Variants in TMEM31 observed in about 807,000 individuals in gnomAD.
The protein encoded by TMEM31 is testicular secretory protein Li 58.
Under a neutral mutation model 2.4 loss-of-function variants are expected in TMEM31, and 1 was observed. That is an observed-to-expected ratio of 0.42 (90% CI 0.15 to 1.97). The LOEUF is 1.97. Among genes scored for constraint, TMEM31 ranks in the 30% most tolerant of loss-of-function variants. The pLI is 0.30. For missense variants in TMEM31, 119 were observed against 121.3 expected, an observed-to-expected ratio of 0.98 and a Z score of 0.09; for synonymous variants, 47 against 45.8, an observed-to-expected ratio of 1.03 and a Z score of -0.10.
chrX:103,712,194 C>T, intron 1 of TMEM31, 42 bp from the exon 2 acceptor site: 12 of 1,058,886 alleles, frequency 1.1e-5, no homozygotes, highest in Middle Eastern at 2.7e-4. Flanking sequence ...GGTAAACTGC[C>T]TCTGTTGTCA....
chrX:103,713,086 T>C (rs889102552), intron 2 of TMEM31, among the ~76,000 whole-genome samples: 1 of 110,586 alleles, frequency 9.0e-6, no homozygotes, highest in Non-Finnish European at 1.9e-5. Context: ...TTTCTTTCTT[T>C]CTTTCTTTCT....
intron 2 of TMEM31, chrX:103,713,374 G>T: frequency 1.5e-6 from 1 of 655,989 alleles, no homozygotes; most frequent in Non-Finnish European, 2.3e-6. Flanking sequence ...ACAGGCGTGA[G>T]CCACTGCGCC....
intron 2 of TMEM31, 24 bp from the exon 3 acceptor site, chrX:103,713,570 G>C: frequency 1.7e-6 from 2 of 1,211,819 alleles, no homozygotes; most frequent in Non-Finnish European, 2.2e-6. Context: ...TCTTTATGCT[G>C]ACGAGAAACA....
rs1179026015 is a variant in TMEM31, at chrX:103,712,283, G to A, written c.25G>A (p.Gly9Arg). MRLTEKSE[G>R]EQQLKPNNSN... ...AATGAGGTTAACAGAAAAGAGTGAG[G>A]GAGAACAACAACTCAAGCCCAACAA... Residue 9 changes from glycine to arginine, a missense_variant, in exon 2 of 3, where the codon GGA becomes AGA. Coordinates refer to ENST00000319560, the MANE Select transcript of TMEM31 (RefSeq NM_182541.2). 4 of 1,207,567 alleles carry A rather than the reference G, an allele frequency of 3.3e-6. No homozygotes were observed. In the African/African-American group the frequency reaches 5.3e-5, roughly 16 times the overall value.
Position 103,712,288 on chromosome X carries a change from ACAACAACTCAAGCC to A in TMEM31, c.40_53del (p.Lys14Ter), listed in dbSNP as rs769663587. 8.3e-7 allele frequency: 1 copy of A among 1,210,888 alleles called. No individual in the cohort carries two copies. The highest frequency in any genetic ancestry group is 2.2e-5 in the Admixed American group (1 of 45,950). ...GGTTAACAGAAAAGAGTGAGGGAGA[ACAACAACTCAAGCC>A]CAACAACTCTAATGCACCCAATGAA... On this transcript the variant is annotated frameshift_variant, in exon 2 of 3. Transcript: ENST00000319560. LOFTEE classifies it high-confidence loss of function.
Position 103,713,989 on chromosome X carries a change from C to T in TMEM31, c.498C>T (p.Ile166=), listed in dbSNP as rs770206415. 2 of 1,185,287 alleles carry T rather than the reference C, an allele frequency of 1.7e-6. No homozygotes were observed. The highest frequency in any genetic ancestry group is 6.1e-5 in the East Asian group (2 of 32,952). Residue 166 remains isoleucine (I), a synonymous_variant, in exon 3 of 3, where the codon ATC becomes ATT. Transcript: ENST00000319560. ...LLLFIIVFIL[I]FF ...TTTTTATTATTGTCTTCATTCTGAT[C>T]TTCTTCTGATTCTTTTGTTTCAATA...
In TMEM31 at chrX:103,711,053, G is replaced by T. The variant is rs1030631654; in HGVS notation, c.-47G>T. 1 of 110,429 alleles carries T rather than the reference G, an allele frequency of 9.1e-6. No individual in the cohort carries two copies. Among genetic ancestry groups the T allele is most frequent in the Non-Finnish European group, 1.9e-5 (1 of 52,855 alleles). The allele number at this position is 110,429 out of a possible 1,213,427, so 9.1% of individuals were successfully genotyped here. A position where few individuals can be genotyped will look rare whatever the true frequency, so the allele number is the denominator to read the frequency against. On this transcript the variant is annotated 5_prime_UTR_variant, in exon 1 of 3. Transcript: ENST00000319560. ...TGGTGAAAGGACTCTGGATTGGTTG[G>T]CAGTCTGCTTTTTTTTTTCCAAGGT... is the stretch of plus-strand genomic sequence containing the variant.
rs551968405 is a variant in TMEM31, at chrX:103,712,818, C to T, written c.102+458C>T. On this transcript the variant is annotated intron_variant, in intron 2 of 2. Transcript: ENST00000319560. Reference sequence around the variant, plus strand: ...TGCTGGGATTACAGGCGTGAGCCCCCGTGCCTGGCAAAGCAATCTCTTATT... The same window carrying T: ...TGCTGGGATTACAGGCGTGAGCCCCTGTGCCTGGCAAAGCAATCTCTTATT... Among the ~76,000 whole-genome samples the T allele has an allele frequency of 4.1e-4, 46 of 111,434 alleles. No individual in the cohort carries two copies. In the Middle Eastern group the frequency reaches 0.019, roughly 45 times the overall value.
In TMEM31 at chrX:103,713,705, G is replaced by A; in HGVS notation, c.214G>A (p.Glu72Lys). The change falls in exon 3 of 3, where the codon GAA becomes AAA. Residue 72 changes from glutamate to lysine, a missense_variant. Physicochemically the swap from Glu to Lys is moderately conservative, Grantham distance 56 (BLOSUM62 1). Transcript: ENST00000319560. ...CAGCGACAGAACGATCAACCTTCTT[G>A]AAGTCCTTCCGTGGCCTACTGAGTG... ...TSSDRTINLL[E>K]VLPWPTEWIF... 1.7e-6 allele frequency: 2 copies of A among 1,211,806 alleles called. No homozygotes were observed. The highest frequency in any genetic ancestry group is 2.2e-6 in the Non-Finnish European group (2 of 895,564).
At chrX:103,712,486 C>A in intron 2 of TMEM31, 126 bp downstream of exon 2, 3 of 495,664 alleles carry the variant, frequency 6.1e-6, no homozygotes, top group Non-Finnish European at 9.7e-6. Flanking sequence ...CCTGGGCTAC[C>A]TTCCTCCCGG....
In TMEM31 at chrX:103,713,848, C is replaced by T; in HGVS notation, c.357C>T (p.Ile119=). The part of the protein sequence containing the change: ...SHCLKAQMEK[I]GLPIILHLFA... ...GTCTGAAAGCCCAGATGGAAAAGAT[C>T]GGACTGCCCATCATACTCCACCTCT... Residue 119 remains isoleucine (I), a synonymous_variant, in exon 3 of 3, where the codon ATC becomes ATT. Coordinates refer to ENST00000319560, the MANE Select transcript of TMEM31 (RefSeq NM_182541.2). The T allele has an allele frequency of 5.0e-6, 6 of 1,211,790 alleles. No homozygotes were observed. Among genetic ancestry groups the T allele is most frequent in the South Asian group, 3.5e-5 (2 of 56,995 alleles).
In TMEM31 at chrX:103,713,749, A is replaced by T. The variant is rs777905806; in HGVS notation, c.258A>T (p.Arg86=). 1.7e-6 allele frequency: 2 copies of T among 1,209,190 alleles called. No individual in the cohort carries two copies. Among genetic ancestry groups the T allele is most frequent in the East Asian group, 5.9e-5 (2 of 33,713 alleles). The change falls in exon 3 of 3, where the codon CGA becomes CGT. Residue 86 remains arginine, a synonymous_variant. Coordinates refer to ENST00000319560, the MANE Select transcript of TMEM31 (RefSeq NM_182541.2). ...CTGAGTGGATTTTCAACCCCTATCG[A>T]TTGCCTGCTCTTTTTGAGCTTTATC... ...WPTEWIFNPY[R]LPALFELYPE... is the part of the protein sequence containing the mutation.
At chrX:103,713,014 A>C (rs1030549965) in intron 2 of TMEM31, among the ~76,000 whole-genome samples, 9 of 112,388 alleles carry the variant, frequency 8.0e-5, no homozygotes, top group African/African-American at 1.6e-4. Flanking sequence ...AAAGAGATTA[A>C]AGTAATCAAA....
In TMEM31 at chrX:103,713,905, T is replaced by A. The variant is rs1485803059; in HGVS notation, c.414T>A (p.Phe138Leu). 2 of 1,210,370 alleles carry A rather than the reference T, an allele frequency of 1.7e-6. No homozygotes were observed. The highest frequency in any genetic ancestry group is 2.2e-6 in the Non-Finnish European group (2 of 895,315). The stretch of plus-strand genomic sequence containing the variant: ...TCTCCACCCTCTACTTCTACAAGTT[T>A]TTCCTTCCTACAATTCTTTCCCTTT... ...FALSTLYFYK[F>L]FLPTILSLSF... Residue 138 changes from phenylalanine (F) to leucine (L), a missense_variant, in exon 3 of 3, where the codon TTT becomes TTA. Phe to Leu is a conservative substitution (Grantham distance 22). Coordinates refer to ENST00000319560, the MANE Select transcript of TMEM31 (RefSeq NM_182541.2).
chrX:103,711,572 G>A (rs1457148042), intron 1 of TMEM31, among the ~76,000 whole-genome samples: 6 of 111,093 alleles, frequency 5.4e-5, no homozygotes, highest in Non-Finnish European at 1.1e-4. Flanking sequence ...TCTAACCCTT[G>A]GTATGGGTTA....
At chrX:103,713,080 T>C (rs1269650876) in intron 2 of TMEM31, among the ~76,000 whole-genome samples, 2 of 110,519 alleles carry the variant, frequency 1.8e-5, no homozygotes, top group Non-Finnish European at 3.8e-5. Context: ...TCCAGGTTTC[T>C]TTCTTTCTTT....
At position 103,713,915 on chromosome X, in the gene TMEM31, A is replaced by G. The variant is rs2074234887; in HGVS notation, c.424A>G (p.Thr142Ala). 5 of 1,209,666 alleles carry G rather than the reference A, an allele frequency of 4.1e-6. No individual in the cohort carries two copies. Among genetic ancestry groups the G allele is most frequent in the African/African-American group, 3.5e-5 (2 of 57,066 alleles). ...TLYFYKFFLP[T>A]ILSLSFFILL... The stretch of plus-strand genomic sequence containing the variant: ...CTACTTCTACAAGTTTTTCCTTCCT[A>G]CAATTCTTTCCCTTTCTTTCTTTAT... Residue 142 changes from threonine (T) to alanine (A), a missense_variant, in exon 3 of 3, where the codon ACA becomes GCA. By Grantham distance (58) the Thr-to-Ala change is moderately conservative. Coordinates refer to ENST00000319560, the MANE Select transcript of TMEM31 (RefSeq NM_182541.2).
intron 1 of TMEM31, among the ~76,000 whole-genome samples, chrX:103,711,308 C>A: frequency 9.1e-6 from 1 of 109,908 alleles, no homozygotes; most frequent in Middle Eastern, 4.8e-3. Context: ...CACGGTGAAA[C>A]CCTGTCTCTA....
rs140711446 is a variant in TMEM31 at position 103,713,778 on chromosome X, A to T, written c.287A>T (p.Glu96Val). The T allele has an allele frequency of 8.3e-7, 1 of 1,209,222 alleles. No homozygotes were observed. Among genetic ancestry groups the T allele is most frequent in the African/African-American group, 1.8e-5 (1 of 56,862 alleles). The change falls in exon 3 of 3, where the codon GAA (glutamate) becomes GTA (valine). Residue 96 changes from glutamate to valine, a missense_variant. Glu to Val is a moderately radical substitution (Grantham distance 121). Coordinates refer to ENST00000319560, the MANE Select transcript of TMEM31 (RefSeq NM_182541.2). Reference sequence around the variant, plus strand: ...CCTGCTCTTTTTGAGCTTTATCCTGAATTTCTTCTGGTGTTTAAAGAAGCC... The same window carrying T: ...CCTGCTCTTTTTGAGCTTTATCCTGTATTTCTTCTGGTGTTTAAAGAAGCC... ...RLPALFELYP[E>V]FLLVFKEAFH...
Sources: allele counts gnomAD v4.1 joint callset (sites outside exome capture counted in the v4.1 genomes callset), GRCh38; gene constraint gnomAD v4.1.1; transcripts MANE v1.5; gene names NCBI Gene and HGNC (gene_info 2026-07-23, HGNC 2026-07-21).